Variants in LIG4 observed in about 807,000 individuals in gnomAD.
The protein encoded by LIG4 is DNA ligase 4, also known as DNA joinase.
LIG4 carries 13 observed loss-of-function variants against 19.0 expected under a neutral mutation model. That is an observed-to-expected ratio of 0.68 (90% CI 0.44 to 1.09). The LOEUF is 1.09. Among genes scored for constraint, LIG4 ranks in the 50% least tolerant of loss-of-function variants. The probability of loss-of-function intolerance (pLI) is 0.00; values close to 1 mark genes in which losing one functional copy is unlikely to be tolerated. For synonymous variants in LIG4, 361 were observed against 358.2 expected, an observed-to-expected ratio of 1.01 and a Z score of -0.09; for missense variants, 1,026 against 1,089.7, an observed-to-expected ratio of 0.94 and a Z score of 0.82.
At chr13:108,211,411 TAAAA>T in intron 2 of LIG4, 115 bp from the exon 3 acceptor site, 2 of 707,424 alleles carry the variant, frequency 2.8e-6, no homozygotes, top group East Asian at 2.7e-5. Flanking sequence ...TAATGTTTAC[TAAAA>T]AAAAGATCAA....
Position 108,210,435 on chromosome 13 carries a change from A to G in LIG4, c.834T>C (p.Arg278=), listed in dbSNP as rs375022046. Residue 278 remains arginine (R), a synonymous_variant, in exon 3 of 3, where the codon CGT becomes CGC. Coordinates refer to ENST00000442234, the MANE Select transcript of LIG4 (RefSeq NM_206937.2). The part of the protein sequence containing the change: ...FYIETKLDGE[R]MQMHKDGDVY... ...CATCTCCATCTTTGTGCATTTGCATACGTTCACCATCTAGCTTGGTTTCTA... is the reference window on the plus strand; with the variant it reads ...CATCTCCATCTTTGTGCATTTGCATGCGTTCACCATCTAGCTTGGTTTCTA... 6.2e-6 allele frequency: 10 copies of G among 1,613,398 alleles called. No individual in the cohort carries two copies. The African/African-American group carries it at 1.3e-4, about 22-fold the overall frequency.
Position 108,209,218 on chromosome 13 carries a change from T to G in LIG4, c.2051A>C (p.Glu684Ala). 1 of 1,614,176 alleles carries G rather than the reference T, an allele frequency of 6.2e-7. No individual in the cohort carries two copies. Among genetic ancestry groups the G allele is most frequent in the Non-Finnish European group, 8.5e-7 (1 of 1,180,008 alleles). The change falls in exon 3 of 3, where the codon GAA (glutamate) becomes GCA (alanine). Residue 684 changes from glutamate to alanine, a missense_variant. Glu to Ala is a moderately radical substitution (Grantham distance 107). Coordinates refer to ENST00000442234, the MANE Select transcript of LIG4 (RefSeq NM_206937.2). ...ATTTTGTACTATATAACCACCAAAT[T>G]CTGCAATTCTGTTCTCCAGGTCAGG... ...PKPDLENRIA[E>A]FGGYIVQNPG...
chr13:108,217,376 G>A (rs1879358945), upstream of LIG4, among the ~76,000 whole-genome samples: 1 of 152,194 alleles, frequency 6.6e-6, no homozygotes, highest in African/African-American at 2.4e-5. Context: ...AAAATTAGCT[G>A]GGCGTGGTGG....
chr13:108,213,606 A>G (rs1878895983), intron 2 of LIG4, among the ~76,000 whole-genome samples: 1 of 152,190 alleles, frequency 6.6e-6, no homozygotes, highest in South Asian at 2.1e-4. Context: ...TTTACATGCT[A>G]ATTTTATTTT....
At position 108,210,119 on chromosome 13, in the gene LIG4, TTCTC is replaced by T. The variant is rs765121024; in HGVS notation, c.1146_1149del (p.Lys384GlyfsTer16). 1 of 1,613,622 alleles carries T rather than the reference TTCTC, an allele frequency of 6.2e-7. No homozygotes were observed. The highest frequency in any genetic ancestry group is 8.5e-7 in the Non-Finnish European group (1 of 1,179,958). On this transcript the variant is annotated frameshift_variant, in exon 3 of 3. Coordinates refer to ENST00000442234, the MANE Select transcript of LIG4 (RefSeq NM_206937.2). LOFTEE classifies it low-confidence loss of function (END_TRUNC). Reference sequence around the variant, plus strand: ...ATACTACTAAGAATCTCATACCTCTTTCTCAGAGTCTCATGCCCTAGCTTTTTAT... The same window carrying T: ...ATACTACTAAGAATCTCATACCTCTTAGAGTCTCATGCCCTAGCTTTTTAT...
In LIG4 at chr13:108,208,603, A is replaced by C; in HGVS notation, c.2666T>G (p.Leu889Arg). The change falls in exon 3 of 3, where the codon CTA (leucine) becomes CGA (arginine). Residue 889 changes from leucine to arginine, a missense_variant. Physicochemically the swap from Leu to Arg is moderately radical, Grantham distance 102. Around this residue, in one of 3 missense-constraint regions of LIG4, gnomAD observed 521 missense variants for 515.5 expected, o/e 1.01. Transcript: ENST00000442234. The stretch of plus-strand genomic sequence containing the variant: ...TGAATCAGTTACCCAACTTTCTTTT[A>C]GGATTTTAAACTTTCTCTTAAAAGT... ...RRTFKRKFKILKESWVTDSID... is the reference protein window; with the variant it reads ...RRTFKRKFKIRKESWVTDSID... The C allele has an allele frequency of 6.2e-7, 1 of 1,613,148 alleles. No individual in the cohort carries two copies.
At chr13:108,216,078 C>T (rs1027749967), upstream of LIG4, among the ~76,000 whole-genome samples, 1 of 151,300 alleles carries the variant, frequency 6.6e-6, no homozygotes, top group African/African-American at 2.4e-5. Flanking sequence ...TAGAAATAAA[C>T]CGTTGCATGA....
chr13:108,211,419 AG>A (rs1566368774), intron 2 of LIG4, 123 bp from the exon 3 acceptor site: 2 of 685,438 alleles, frequency 2.9e-6, no homozygotes, highest in South Asian at 1.7e-5. Context: ...ACTAAAAAAA[AG>A]ATCAATGCTC....
chr13:108,209,669 G>A lies in LIG4; in HGVS notation c.1600C>T (p.Pro534Ser), dbSNP rs1367266771. The change falls in exon 3 of 3, where the codon CCA (proline) becomes TCA (serine). Residue 534 changes from proline (P) to serine (S), a missense_variant. By Grantham distance (74) the Pro-to-Ser change is moderately conservative. This residue lies in a region of LIG4 where 521 missense variants were observed against 515.5 expected (regional missense o/e 1.01). Transcript: ENST00000442234. ...KYWKPFHRKAPPSSILCGTEK... is the reference protein window; with the variant it reads ...KYWKPFHRKASPSSILCGTEK... Reference sequence around the variant, plus strand: ...GTTCCACATAAAATGCTGCTTGGTGGAGCTTTTCTATGAAAAGGCTTCCAA... The same window carrying A: ...GTTCCACATAAAATGCTGCTTGGTGAAGCTTTTCTATGAAAAGGCTTCCAA... 2 of 1,614,058 alleles carry A rather than the reference G, an allele frequency of 1.2e-6. No homozygotes were observed. Among genetic ancestry groups the A allele is most frequent in the Non-Finnish European group, 1.7e-6 (2 of 1,180,014 alleles).
chr13:108,208,634 T>A lies in LIG4; in HGVS notation c.2635A>T (p.Arg879Ter). The change falls in exon 3 of 3, where the codon AGA becomes TGA. Residue 879 changes from arginine (R) to a stop codon, truncating the protein, a stop_gained. Transcript: ENST00000442234. LOFTEE classifies it high-confidence loss of function. ...TTAAACTTTCTCTTAAAAGTTCTTC[T>A]AAAAGCTTTAAAATCTGCAACACGA... ...HSRVADFKAFRRTFKRKFKIL... is the reference protein window; with the variant it reads ...HSRVADFKAF The A allele has an allele frequency of 1.9e-6, 3 of 1,613,558 alleles. No individual in the cohort carries two copies. Among genetic ancestry groups the A allele is most frequent in the Non-Finnish European group, 2.5e-6 (3 of 1,179,506 alleles).
rs1878144868 is a variant in LIG4, at chr13:108,208,397, T to A, written c.*136A>T. 1.6e-6 allele frequency: 1 copy of A among 643,420 alleles called. No individual in the cohort carries two copies. The highest frequency in any genetic ancestry group is 1.9e-5 in the South Asian group (1 of 51,544). 39.9% of individuals were successfully genotyped at this position (643,420 alleles called of 1,614,324 possible). On this transcript the variant is annotated 3_prime_UTR_variant, in exon 3 of 3. Coordinates refer to ENST00000442234, the MANE Select transcript of LIG4 (RefSeq NM_206937.2). ...CAACCTTAAAAGTTAAAATTATTGT[T>A]TTCCTATATGTAATGATACTTTTTA...
chr13:108,212,038 A>C (rs3093757), intron 2 of LIG4, among the ~76,000 whole-genome samples: 3,644 of 152,258 alleles, frequency 0.024, 146 homozygotes, highest in African/African-American at 0.084. Flanking sequence ...TTATAAGTAT[A>C]AATTTATTAG....
chr13:108,209,080 A>C lies in LIG4; in HGVS notation c.2189T>G (p.Phe730Cys). ...CCATGGTACAAAGCTTTTGGTCTTA[A>C]AACATTCTAAAAGCCATGCAGGCTT... Reference protein sequence around the residue: ...VVKPAWLLECFKTKSFVPWQP... With the variant: ...VVKPAWLLECCKTKSFVPWQP... The change falls in exon 3 of 3, where the codon TTT (phenylalanine) becomes TGT (cysteine). Residue 730 changes from phenylalanine (F) to cysteine (C), a missense_variant. Physicochemically the swap from Phe to Cys is radical, Grantham distance 205. Coordinates refer to ENST00000442234, the MANE Select transcript of LIG4 (RefSeq NM_206937.2). 6.2e-7 allele frequency: 1 copy of C among 1,614,184 alleles called. No individual in the cohort carries two copies. The highest frequency in any genetic ancestry group is 1.3e-5 in the African/African-American group (1 of 75,056).
Position 108,210,352 on chromosome 13 carries a change from G to A in LIG4, c.917C>T (p.Pro306Leu). Residue 306 changes from proline (P) to leucine (L), a missense_variant, in exon 3 of 3, where the codon CCT becomes CTT. This residue lies in a region of LIG4 where 493 missense variants were observed against 544.5 expected (regional missense o/e 0.91). Coordinates refer to ENST00000442234, the MANE Select transcript of LIG4 (RefSeq NM_206937.2). Reference protein sequence around the residue: ...YNYTDQFGASPTEGSLTPFIH... With the variant: ...YNYTDQFGASLTEGSLTPFIH... ...GAATGGGGTAAGAGAACCTTCAGTA[G>A]GAGAAGCACCAAACTGATCAGTGTA... 1.2e-6 allele frequency: 2 copies of A among 1,613,890 alleles called. No homozygotes were observed. The highest frequency in any genetic ancestry group is 1.7e-6 in the Non-Finnish European group (2 of 1,179,868).
rs2232637 is a variant in LIG4 at position 108,211,089 on chromosome 13, G to A, written c.180C>T (p.Val60=). The A allele has an allele frequency of 6.9e-4, 1,114 of 1,608,206 alleles. 7 individuals carry two copies. The African/African-American group carries it at 0.011, about 16-fold the overall frequency. ...HDALHKNHKD[V]TDSFYPAMRL... is the part of the protein sequence containing the mutation. ...TCATTGCTGGATAAAAAGAGTCTGTGACATCTTTGTGGTTCTTATGAAGAG... is the reference window on the plus strand; with the variant it reads ...TCATTGCTGGATAAAAAGAGTCTGTAACATCTTTGTGGTTCTTATGAAGAG... The change falls in exon 3 of 3, where the codon GTC becomes GTT. Residue 60 remains valine, a synonymous_variant. Transcript: ENST00000442234.
upstream of LIG4, among the ~76,000 whole-genome samples, chr13:108,215,759 C>T (rs977390125): frequency 2.6e-5 from 4 of 151,722 alleles, no homozygotes; most frequent in Non-Finnish European, 4.4e-5. Context: ...AGCAGTTGAT[C>T]CACACGCCAG....
intron 2 of LIG4, among the ~76,000 whole-genome samples, 156 bp from the exon 3 acceptor site, chr13:108,211,452 C>T (rs1271118436): frequency 6.6e-6 from 1 of 152,078 alleles, no homozygotes; most frequent in Non-Finnish European, 1.5e-5. Flanking sequence ...TCTTTTCAAC[C>T]TCTACATTTA....
rs1479491019 is a variant in LIG4, at chr13:108,207,726, T to C, written c.*807A>G. 1 of 152,186 alleles carries C rather than the reference T, an allele frequency of 6.6e-6. No homozygotes were observed. Among genetic ancestry groups the C allele is most frequent in the African/African-American group, 2.4e-5 (1 of 41,458 alleles). 9.4% of individuals were successfully genotyped at this position (152,186 alleles called of 1,614,324 possible). On this transcript the variant is annotated 3_prime_UTR_variant, in exon 3 of 3. Coordinates refer to ENST00000442234, the MANE Select transcript of LIG4 (RefSeq NM_206937.2). ...CTTATTTCTAATGAAAGTTACAATA[T>C]GCATGCCATATTGACACCTATTCAA...
upstream of LIG4, among the ~76,000 whole-genome samples, chr13:108,216,460 C>T (rs1879296477): frequency 6.6e-6 from 1 of 152,140 alleles, no homozygotes; most frequent in African/African-American, 2.4e-5. Flanking sequence ...GTATAAAAAC[C>T]TCCTTTTTCA....
Sources: gnomAD v4.1 joint callset for allele counts (sites outside exome capture counted in the v4.1 genomes callset) on GRCh38, gnomAD v4.1.1 for gene constraint, gnomAD v4.1.1 regional missense constraint, MANE v1.5 for transcripts, NCBI Gene and HGNC (gene_info 2026-07-23, HGNC 2026-07-21) for gene names.